Variants in RAF1 observed in about 807,000 individuals in gnomAD.
The protein encoded by RAF1 is Raf-1 proto-oncogene, serine/threonine kinase.
Under a neutral mutation model 81.1 loss-of-function variants are expected in RAF1, and 27 were observed. That is an observed-to-expected ratio of 0.33 (90% CI 0.25 to 0.46). The LOEUF is 0.46. Among genes scored for constraint, RAF1 ranks in the 20% least tolerant of loss-of-function variants. RAF1 has a pLI of 1.00. For missense variants in RAF1, 598 were observed against 826.0 expected, an observed-to-expected ratio of 0.72 and a Z score of 3.38; for synonymous variants, 298 against 294.0, an observed-to-expected ratio of 1.01 and a Z score of -0.14.
chr3:12,611,943 C>A lies in RAF1; in HGVS notation c.320+7G>T, dbSNP rs1408622509. On this transcript the variant is annotated splice_region_variant and intron_variant, in intron 3 of 17. Coordinates refer to ENST00000442415, the MANE Select transcript of RAF1 (RefSeq NM_001354689.3). ...CTGAAGAAGTCAATTGACTTTTGAG[C>A]TCTTACCCTTTGTGTTCGTGGAGAA... The A allele has an allele frequency of 6.2e-7, 1 of 1,610,998 alleles. No individual in the cohort carries two copies. Among genetic ancestry groups the A allele is most frequent in the Non-Finnish European group, 8.5e-7 (1 of 1,177,236 alleles).
chr3:12,654,676 A>T (rs532816819), intron 1 of RAF1, among the ~76,000 whole-genome samples: 8 of 124,450 alleles, frequency 6.4e-5, no homozygotes, highest in African/African-American at 1.7e-4. Context: ...AACTTTATTC[A>T]TTTTTTTTTT....
chr3:12,659,239 C>G (rs1186649519), intron 1 of RAF1, among the ~76,000 whole-genome samples: 1 of 151,464 alleles, frequency 6.6e-6, no homozygotes, highest in Non-Finnish European at 1.5e-5. Flanking sequence ...ACCAGCCTGG[C>G]CAACATGGTG....
chr3:12,593,095 C>CTT (rs11300070), intron 11 of RAF1, among the ~76,000 whole-genome samples: 2 of 142,684 alleles, frequency 1.4e-5, no homozygotes, highest in Non-Finnish European at 3.1e-5. Context: ...TTCCTCCTTC[C>CTT]TTTTTTTTTT....
At chr3:12,601,533 AT>A (rs1352976427) in intron 8 of RAF1, among the ~76,000 whole-genome samples, 1 of 152,186 alleles carries the variant, frequency 6.6e-6, no homozygotes, top group Non-Finnish European at 1.5e-5. Context: ...TGGCCCCCAT[AT>A]CCTAAAAAAG....
At chr3:12,609,884 T>C (rs897095161) in intron 3 of RAF1, among the ~76,000 whole-genome samples, 3 of 152,204 alleles carry the variant, frequency 2.0e-5, no homozygotes, top group Non-Finnish European at 4.4e-5. Flanking sequence ...AATCCCCAAA[T>C]CCTGTAAAAT....
intron 3 of RAF1, among the ~76,000 whole-genome samples, chr3:12,610,131 A>T (rs1258836281): frequency 6.6e-6 from 1 of 152,200 alleles, no homozygotes; most frequent in Non-Finnish European, 1.5e-5. Flanking sequence ...ACATAAGTAA[A>T]AAGTAATGCC....
chr3:12,652,996 T>C (rs1285769746), intron 1 of RAF1, among the ~76,000 whole-genome samples: 2 of 151,290 alleles, frequency 1.3e-5, no homozygotes, highest in African/African-American at 4.9e-5. Context: ...AATTAAATGA[T>C]GTTGGCTGGG....
chr3:12,636,343 G>C (rs1232438386), intron 1 of RAF1, among the ~76,000 whole-genome samples: 4 of 151,324 alleles, frequency 2.6e-5, no homozygotes, highest in African/African-American at 7.3e-5. Context: ...AGCTACTTGG[G>C]AGGCTGAGAA....
At chr3:12,649,176 T>C (rs529613347) in intron 1 of RAF1, among the ~76,000 whole-genome samples, 4 of 152,304 alleles carry the variant, frequency 2.6e-5, no homozygotes, top group Admixed American at 6.5e-5. Context: ...GTGCGCTCAA[T>C]AGTAAACTTT....
chr3:12,610,663 T>C (rs1219851419), intron 3 of RAF1, among the ~76,000 whole-genome samples: 1 of 152,154 alleles, frequency 6.6e-6, no homozygotes, highest in Non-Finnish European at 1.5e-5. Flanking sequence ...CCCCTTCGAG[T>C]AGATTCATTC....
intron 1 of RAF1, among the ~76,000 whole-genome samples, chr3:12,650,237 T>C (rs1291918882): frequency 6.6e-6 from 1 of 151,118 alleles, no homozygotes; most frequent in African/African-American, 2.4e-5. Context: ...GATAGAAGGA[T>C]TGTCTGAGCC....
chr3:12,643,639 G>A (rs1309008587), intron 1 of RAF1, among the ~76,000 whole-genome samples: 2 of 151,986 alleles, frequency 1.3e-5, no homozygotes, highest in African/African-American at 4.8e-5. Flanking sequence ...GGGATGCTGA[G>A]GCAGGAGAAT....
At chr3:12,624,126 T>C (rs932537541) in intron 1 of RAF1, among the ~76,000 whole-genome samples, 24 of 152,052 alleles carry the variant, frequency 1.6e-4, no homozygotes, top group Non-Finnish European at 3.1e-4. Context: ...AGTGTTGGGA[T>C]TACAGGTGTG....
intron 2 of RAF1, among the ~76,000 whole-genome samples, chr3:12,612,649 CAAA>C (rs546490049): frequency 1.3e-5 from 1 of 74,678 alleles, no homozygotes. Context: ...GACTCCGTCT[CAAA>C]AAAAAAAAAA....
intron 1 of RAF1, among the ~76,000 whole-genome samples, chr3:12,661,684 C>G (rs575586507): frequency 1.3e-4 from 20 of 152,156 alleles, no homozygotes; most frequent in Non-Finnish European, 2.5e-4. Flanking sequence ...GCCTGGGCAA[C>G]AGAGTGAGAC....
At chr3:12,623,571 A>G (rs7647328) in intron 1 of RAF1, among the ~76,000 whole-genome samples, 127,783 of 152,048 alleles carry the variant, frequency 0.84, 54,083 homozygotes, top group East Asian at 0.94. Context: ...GCCGAGGCAG[A>G]TGGATCACGA....
intron 13 of RAF1, 36 bp downstream of exon 12, chr3:12,590,762 C>G: frequency 6.3e-7 from 1 of 1,586,034 alleles, no homozygotes; most frequent in Non-Finnish European, 8.6e-7. Context: ...AAATTTGATG[C>G]CTGGGTCCCA....
intron 1 of RAF1, among the ~76,000 whole-genome samples, chr3:12,627,027 A>G (rs2059723915): frequency 6.8e-6 from 1 of 147,106 alleles, no homozygotes; most frequent in Admixed American, 6.7e-5. Flanking sequence ...GTCTCAAAAA[A>G]AAAAAAAAAA....
At chr3:12,608,132 A>C (rs2125414345) in intron 5 of RAF1, among the ~76,000 whole-genome samples, 1 of 152,290 alleles carries the variant, frequency 6.6e-6, no homozygotes, top group East Asian at 1.9e-4. Flanking sequence ...ACTGTCAAAA[A>C]AGGACAAAAC....
Sources: gnomAD v4.1 joint callset for allele counts (sites outside exome capture counted in the v4.1 genomes callset) on GRCh38, gnomAD v4.1.1 for gene constraint, MANE v1.5 for transcripts, NCBI Gene and HGNC (gene_info 2026-07-23, HGNC 2026-07-21) for gene names.